Variants in HDAC4 observed in about 807,000 individuals in gnomAD.
The protein encoded by HDAC4 is histone deacetylase A.
In HDAC4, 16 loss-of-function variants were observed where a neutral mutation model predicts 135.1. The observed-to-expected ratio is 0.12, with a 90% CI of 0.08 to 0.18. HDAC4 has a LOEUF of 0.18. Among genes scored for constraint, HDAC4 ranks in the 10% least tolerant of loss-of-function variants. The probability of loss-of-function intolerance (pLI) is 1.00; values close to 1 mark genes in which losing one functional copy is unlikely to be tolerated. For synonymous variants in HDAC4, 685 were observed against 653.4 expected (o/e 1.05, Z -0.74); for missense variants, 1,143 against 1,511.8 (o/e 0.76, Z 4.05).
intron 12 of HDAC4, among the ~76,000 whole-genome samples, chr2:239,120,395 GCACACAGACACACA>G (rs1553622832): frequency 6.9e-6 from 1 of 145,196 alleles, no homozygotes; most frequent in Non-Finnish European, 1.5e-5. Context: ...ACACACAGAC[GCACACAGACACACA>G]CACACAGACA....
rs1389855811 is a variant in HDAC4, at chr2:239,313,642, A to C, written c.22+39036T>G. On this transcript the variant is annotated intron_variant, in intron 2 of 26. Coordinates refer to ENST00000543185, the MANE Select transcript of HDAC4 (RefSeq NM_001378414.1). This position sits in a 1 kb window ranked among gnomAD's most constrained non-coding sequence, Gnocchi z 5.1. ...TGCTGGAAGTTAAGGACACAGAGAA[A>C]GTTTCTTATGAAAATAAGCGCCTCA... Among the ~76,000 whole-genome samples the C allele has an allele frequency of 6.6e-6, 1 of 152,194 alleles. No individual in the cohort carries two copies. Among genetic ancestry groups the C allele is most frequent in the African/African-American group, 2.4e-5 (1 of 41,454 alleles).
intron 3 of HDAC4, among the ~76,000 whole-genome samples, chr2:239,223,835 A>C (rs2153135461): frequency 6.6e-6 from 1 of 152,054 alleles, no homozygotes; most frequent in African/African-American, 2.4e-5. Flanking sequence ...GATGCATGCC[A>C]GCACTAAGCA....
intron 3 of HDAC4, among the ~76,000 whole-genome samples, chr2:239,198,171 C>G (rs2045526513): frequency 6.6e-6 from 1 of 152,130 alleles, no homozygotes; most frequent in Admixed American, 6.5e-5. Context: ...CCTGTGGAGT[C>G]TCTGTTTGCT....
chr2:239,053,537 C>G lies in HDAC4; in HGVS notation c.3153G>C (p.Gln1051His), dbSNP rs1449160308. ...STAGRSLIEA[Q>H]TCENEEAETV... ...TCTCGGCTTCTTCGTTCTCGCAAGT[C>G]TGAGCCTCGATCAGAGAACGCCCCG... The change falls in exon 26 of 27, where the codon CAG (glutamine) becomes CAC (histidine). Residue 1051 changes from glutamine to histidine, a missense_variant. Gln to His is a conservative substitution (Grantham distance 24, BLOSUM62 0). This residue lies in a region of HDAC4 where 131 missense variants were observed against 130.6 expected (regional missense o/e 1.00). Transcript: ENST00000543185. 1.2e-6 allele frequency: 2 copies of G among 1,614,012 alleles called. No individual in the cohort carries two copies. Among genetic ancestry groups the G allele is most frequent in the East Asian group, 4.5e-5 (2 of 44,864 alleles).
intron 16 of HDAC4, among the ~76,000 whole-genome samples, chr2:239,096,345 CA>C (rs2037033515): frequency 2.3e-5 from 3 of 127,836 alleles, no homozygotes; most frequent in Admixed American, 7.6e-5. Context: ...TACGGACGCC[CA>C]CACCCCACCG....
At chr2:239,190,446 A>G (rs79995137) in intron 3 of HDAC4, among the ~76,000 whole-genome samples, 5,462 of 152,262 alleles carry the variant, frequency 0.036, 196 homozygotes, top group African/African-American at 0.093. Context: ...TGAGAAAAAT[A>G]AAGAAAAAGG....
At chr2:239,339,444 C>T (rs1486255288) in intron 2 of HDAC4, among the ~76,000 whole-genome samples, 11 of 152,234 alleles carry the variant, frequency 7.2e-5, no homozygotes, top group Non-Finnish European at 1.0e-4. Context: ...CAGTGATCTC[C>T]CAGCTCCTGC....
intron 19 of HDAC4, among the ~76,000 whole-genome samples, chr2:239,086,546 T>C (rs2035979016): frequency 6.6e-6 from 1 of 152,030 alleles, no homozygotes; most frequent in Non-Finnish European, 1.5e-5. Flanking sequence ...ACGTACAGTC[T>C]CCTCCCTGTA....
At chr2:239,319,720 A>G (rs2053243151) in intron 2 of HDAC4, among the ~76,000 whole-genome samples, 1 of 152,248 alleles carries the variant, frequency 6.6e-6, no homozygotes, top group African/African-American at 2.4e-5. Context: ...AATGCAAGAC[A>G]CTAATGAACA....
chr2:239,399,506 T>A (rs927919155), intron 1 of HDAC4, among the ~76,000 whole-genome samples: 4 of 152,036 alleles, frequency 2.6e-5, no homozygotes, highest in African/African-American at 9.7e-5. Flanking sequence ...CACAGAATTA[T>A]CAGAAGCAAT....
At chr2:239,164,277 C>T (rs1483050229) in intron 5 of HDAC4, among the ~76,000 whole-genome samples, 1 of 152,226 alleles carries the variant, frequency 6.6e-6, no homozygotes, top group Non-Finnish European at 1.5e-5. Context: ...ATTCTTGCTA[C>T]CGCAAAGCAG....
Position 239,115,414 on chromosome 2 carries a change from A to G in HDAC4, c.1534-104T>C, listed in dbSNP as rs2039042220. On this transcript the variant is annotated intron_variant, in intron 12 of 26. Transcript: ENST00000543185. The surrounding 1 kb of genome is among the most constrained non-coding windows in gnomAD (Gnocchi z 6.3). The stretch of plus-strand genomic sequence containing the variant: ...ACCCCACCCTCTGGGGCAGACAATC[A>G]GGGACTCAGGGCACCTTATCACCCT... The G allele has an allele frequency of 1.4e-6, 2 of 1,408,456 alleles. No homozygotes were observed. The highest frequency in any genetic ancestry group is 2.0e-6 in the Non-Finnish European group (2 of 1,014,032). 87.2% of individuals were successfully genotyped at this position (1,408,456 alleles called of 1,614,324 possible).
At chr2:239,235,024 A>G (rs778044981) in intron 3 of HDAC4, among the ~76,000 whole-genome samples, 31 of 152,324 alleles carry the variant, frequency 2.0e-4, no homozygotes, top group Admixed American at 2.6e-4. Context: ...GTGAAAACCA[A>G]AACTGTCGAC....
intron 3 of HDAC4, among the ~76,000 whole-genome samples, chr2:239,209,101 G>C (rs1043683851): frequency 6.6e-6 from 1 of 152,174 alleles, no homozygotes; most frequent in African/African-American, 2.4e-5. Context: ...GGCTGGTCTT[G>C]AACTCCTGAG....
rs577686230 is a variant in HDAC4, at chr2:239,051,398, A to T, written c.*1699T>A. On this transcript the variant is annotated 3_prime_UTR_variant, in exon 27 of 27. Transcript: ENST00000543185. ...TCATCGTACAAAAATAAAAACAAAA[A>T]TAATTAAAAACCTTTGAAAGGTAAA... 8 of 152,256 alleles carry T rather than the reference A, an allele frequency of 5.3e-5. No individual in the cohort carries two copies. The highest frequency in any genetic ancestry group is 8.8e-5 in the Non-Finnish European group (6 of 68,040). The allele number at this position is 152,256 out of a possible 1,614,324, so 9.4% of individuals were successfully genotyped here. A position where few individuals can be genotyped will look rare whatever the true frequency, so the allele number is the denominator to read the frequency against.
intron 24 of HDAC4, among the ~76,000 whole-genome samples, chr2:239,061,707 G>C (rs893525114): frequency 6.6e-6 from 1 of 152,184 alleles, no homozygotes; most frequent in Non-Finnish European, 1.5e-5. Flanking sequence ...CTTGGTTTTC[G>C]TTACTTTGTT....
chr2:239,144,762 C>G, intron 7 of HDAC4, 48 bp from the exon 8 acceptor site: 1 of 1,597,450 alleles, frequency 6.3e-7, no homozygotes, highest in South Asian at 1.1e-5. Context: ...ACCACTGGCT[C>G]AAGGTTATCC....
At chr2:239,280,662 C>T (rs181345169) in intron 2 of HDAC4, among the ~76,000 whole-genome samples, 51 of 152,278 alleles carry the variant, frequency 3.3e-4, no homozygotes, top group African/African-American at 1.2e-3. Context: ...AACAAAGATG[C>T]GACGCAACAT....
chr2:239,092,498 G>A (rs1329817478), intron 17 of HDAC4, among the ~76,000 whole-genome samples: 3 of 152,194 alleles, frequency 2.0e-5, no homozygotes, highest in Admixed American at 1.3e-4. Context: ...GTCTTCTGGG[G>A]ATTCTGCACA....
Sources: gnomAD v4.1 joint callset for allele counts (sites outside exome capture counted in the v4.1 genomes callset) on GRCh38, gnomAD v4.1.1 for gene constraint, gnomAD v4.1.1 regional missense constraint, Gnocchi (gnomAD v3.1) non-coding constraint, MANE v1.5 for transcripts, NCBI Gene and HGNC (gene_info 2026-07-23, HGNC 2026-07-21) for gene names.